Variants in STPG2 observed in about 807,000 individuals in gnomAD.
STPG2 encodes sperm-tail PG-rich repeat-containing protein 2.
Under a neutral mutation model 54.2 loss-of-function variants are expected in STPG2, and 56 were observed. The ratio of observed to expected loss-of-function variants is 1.03; its 90% CI spans 0.83 to 1.29. The LOEUF is 1.29. Ranked by LOEUF, STPG2 falls within the 50% of genes most tolerant of loss-of-function variation. The pLI is 0.00. For missense variants in STPG2, 596 were observed against 544.9 expected, an observed-to-expected ratio of 1.09 and a Z score of -0.93; for synonymous variants, 200 against 181.8, an observed-to-expected ratio of 1.10 and a Z score of -0.81.
intron 9 of STPG2, among the ~76,000 whole-genome samples, chr4:97,740,466 T>A (rs965707924): frequency 2.0e-5 from 3 of 152,078 alleles, no homozygotes; most frequent in Non-Finnish European, 4.4e-5. Context: ...GAAAACCCCA[T>A]TGTCTCAGCC....
intron 9 of STPG2, among the ~76,000 whole-genome samples, chr4:97,819,259 C>A (rs1301092317): frequency 6.6e-6 from 1 of 151,884 alleles, no homozygotes; most frequent in Non-Finnish European, 1.5e-5. Context: ...TGATGAACTG[C>A]ATTTTGAAAC....
At chr4:98,069,085 T>C (rs1429047839) in intron 5 of STPG2, among the ~76,000 whole-genome samples, 1 of 152,044 alleles carries the variant, frequency 6.6e-6, no homozygotes, top group East Asian at 1.9e-4. Flanking sequence ...TTTAAAAATG[T>C]ATTAAAATGT....
At position 97,687,853 on chromosome 4, in the gene STPG2, A is replaced by C. The variant is rs568317919; in HGVS notation, c.1320+24846T>G. ...AATTTTTTGGAAGCACTTCCTTTAC[A>C]GTGCTAGTTTAGTCTTCTGCATGCC... On this transcript the variant is annotated intron_variant, in intron 10 of 10. Transcript: ENST00000295268. Among the ~76,000 whole-genome samples the C allele has an allele frequency of 1.2e-4, 18 of 152,268 alleles. No individual in the cohort carries two copies. In the East Asian group the frequency reaches 3.3e-3, roughly 28 times the overall value.
At chr4:97,551,742 A>T (rs1451952771) in intron 4 of STPG2, among the ~76,000 whole-genome samples, 1 of 152,248 alleles carries the variant, frequency 6.6e-6, no homozygotes, top group African/African-American at 2.4e-5. Flanking sequence ...TCATGTACAT[A>T]GAAAAAATAA....
At chr4:97,736,323 G>C (rs891922018) in intron 9 of STPG2, among the ~76,000 whole-genome samples, 1 of 152,202 alleles carries the variant, frequency 6.6e-6, no homozygotes, top group Non-Finnish European at 1.5e-5. Flanking sequence ...TGAGGTACCA[G>C]GTTCATCTCA....
At chr4:97,562,719 C>A (rs1732291625) in intron 10 of STPG2, among the ~76,000 whole-genome samples, 1 of 151,838 alleles carries the variant, frequency 6.6e-6, no homozygotes, top group Non-Finnish European at 1.5e-5. Context: ...TTTGTCTTTG[C>A]TTCTGTTTAT....
chr4:97,609,122 A>C (rs1388988980), intron 10 of STPG2, among the ~76,000 whole-genome samples: 3 of 152,120 alleles, frequency 2.0e-5, no homozygotes, highest in Non-Finnish European at 2.9e-5. Context: ...ACAAAGTTTT[A>C]ATACCTAAAA....
intron 5 of STPG2, among the ~76,000 whole-genome samples, chr4:97,983,263 T>C (rs1734733494): frequency 6.6e-6 from 1 of 152,250 alleles, no homozygotes; most frequent in African/African-American, 2.4e-5. Flanking sequence ...TCCTTTTTTC[T>C]AGCTTACTTT....
At chr4:97,743,315 G>A (rs559178140) in intron 9 of STPG2, among the ~76,000 whole-genome samples, 2 of 151,708 alleles carry the variant, frequency 1.3e-5, no homozygotes, top group South Asian at 2.1e-4. Context: ...TATTATCAGA[G>A]TAAGCAAAGG....
chr4:97,848,037 T>C (rs1560552355), intron 8 of STPG2, among the ~76,000 whole-genome samples: 1 of 152,172 alleles, frequency 6.6e-6, no homozygotes, highest in Non-Finnish European at 1.5e-5. Context: ...CAATAAACTG[T>C]TGTACTAAAA....
chr4:98,021,516 G>T (rs1439858051), intron 5 of STPG2, among the ~76,000 whole-genome samples: 1 of 152,134 alleles, frequency 6.6e-6, no homozygotes, highest in East Asian at 1.9e-4. Flanking sequence ...GGAGAGTTCT[G>T]TAGATGTCTA....
intron 4 of STPG2, among the ~76,000 whole-genome samples, chr4:97,458,464 T>A (rs573058215): frequency 6.6e-6 from 1 of 152,292 alleles, no homozygotes; most frequent in East Asian, 1.9e-4. Context: ...ATGAATATAT[T>A]CTAATTTTCC....
Position 97,977,384 on chromosome 4 carries a change from T to C in STPG2, c.772+3775A>G, listed in dbSNP as rs1734533603. 2.0e-5 allele frequency among the ~76,000 whole-genome samples: 3 copies of C among 152,186 alleles called. No individual in the cohort carries two copies. In the South Asian group the frequency reaches 6.2e-4, roughly 32 times the overall value. The stretch of plus-strand genomic sequence containing the variant: ...ATTTTCTGACTATAAGAGCAAGACC[T>C]TTTCACCTTTGGAGCACTGACCCCA... On this transcript the variant is annotated intron_variant, in intron 6 of 10. Transcript: ENST00000295268.
intron 5 of STPG2, among the ~76,000 whole-genome samples, chr4:98,076,432 A>G (rs2110112015): frequency 6.6e-6 from 1 of 152,362 alleles, no homozygotes; most frequent in Non-Finnish European, 1.5e-5. Flanking sequence ...AATTGAAAAT[A>G]TCAACATGTT....
chr4:97,679,255 A>G lies in STPG2; in HGVS notation c.1320+33444T>C, dbSNP rs905924494. Among the ~76,000 whole-genome samples the G allele has an allele frequency of 3.4e-3, 522 of 152,222 alleles. 8 individuals carry two copies. The highest frequency in any genetic ancestry group is 1.5e-3 in the Non-Finnish European group (100 of 68,008). On this transcript the variant is annotated intron_variant, in intron 10 of 10. Transcript: ENST00000295268. ...ACAGTCCCACCAACAGTGTAAAAGT[A>G]TTCCTATTTCTCCACATCCTCTCCA...
At chr4:97,742,268 G>A (rs1014046069) in intron 9 of STPG2, among the ~76,000 whole-genome samples, 1 of 151,766 alleles carries the variant, frequency 6.6e-6, no homozygotes, top group Non-Finnish European at 1.5e-5. Context: ...AATGCTAAAT[G>A]ACGAGTTAAT....
chr4:98,041,308 G>C lies in STPG2; in HGVS notation c.613-59990C>G, dbSNP rs568319771. On this transcript the variant is annotated intron_variant, in intron 5 of 10. Coordinates refer to ENST00000295268, the MANE Select transcript of STPG2 (RefSeq NM_174952.3). ...ATTTGAAATCCTCTTTTCCAATTCA[G>C]ATGTATTCTTTCTGTCTCTTGCCTG... Among the ~76,000 whole-genome samples the C allele has an allele frequency of 7.2e-5, 11 of 151,800 alleles. No individual in the cohort carries two copies. The South Asian group carries it at 2.3e-3, about 31-fold the overall frequency.
At chr4:97,859,328 A>G (rs1367220713) in intron 8 of STPG2, among the ~76,000 whole-genome samples, 1 of 151,190 alleles carries the variant, frequency 6.6e-6, no homozygotes, top group Non-Finnish European at 1.5e-5. Flanking sequence ...GTTTTCAAAT[A>G]TTTTCTCTTT....
At chr4:97,634,598 T>A (rs1721436919) in intron 10 of STPG2, among the ~76,000 whole-genome samples, 1 of 149,736 alleles carries the variant, frequency 6.7e-6, no homozygotes, top group South Asian at 2.1e-4. Context: ...TTGAAAAAAA[T>A]TTAGAAGAAT....
Sources: gnomAD v4.1 joint callset for allele counts (sites outside exome capture counted in the v4.1 genomes callset) on GRCh38, gnomAD v4.1.1 for gene constraint, MANE v1.5 for transcripts, NCBI Gene and HGNC (gene_info 2026-07-23, HGNC 2026-07-21) for gene names.